The following CCL28 variants were observed in gnomAD, a reference collection of about 807,000 sequenced individuals.
The protein encoded by CCL28 is C-C motif chemokine 28.
Under a neutral mutation model 7.1 loss-of-function variants are expected in CCL28, and 4 were observed. The observed-to-expected ratio is 0.56, with a 90% CI of 0.28 to 1.29. The LOEUF (loss-of-function observed/expected upper bound fraction) is 1.29, where lower values mean the gene tolerates loss of function less well. Ranked by LOEUF, CCL28 falls within the 50% of genes most tolerant of loss-of-function variation. The pLI is 0.11. For synonymous variants in CCL28, 55 were observed against 57.8 expected, an observed-to-expected ratio of 0.95 and a Z score of 0.22; for missense variants, 151 against 163.4, an observed-to-expected ratio of 0.92 and a Z score of 0.41.
intron 1 of CCL28, among the ~76,000 whole-genome samples, chr5:43,390,494 A>C (rs1740527911): frequency 2.6e-5 from 4 of 152,224 alleles, no homozygotes; most frequent in Admixed American, 2.0e-4. Flanking sequence ...TGCTTTGGGA[A>C]GGGCAAAGCC....
At chr5:43,393,457 C>T (rs910556249) in intron 1 of CCL28, among the ~76,000 whole-genome samples, 4 of 151,978 alleles carry the variant, frequency 2.6e-5, no homozygotes, top group Admixed American at 2.6e-4. Context: ...TGGGTTCAAG[C>T]GATTCTCCTG....
chr5:43,406,001 A>G lies in CCL28; in HGVS notation c.64+6252T>C, dbSNP rs1329217367. On this transcript the variant is annotated intron_variant, in intron 1 of 2. Transcript: ENST00000361115. ...AACAGGCTCTGAAATTGAGGCAATA[A>G]TTAATAGCCTACCAACCAAAAAAAG... Among the ~76,000 whole-genome samples, 17 of 152,214 alleles carry G rather than the reference A, an allele frequency of 1.1e-4. No individual in the cohort carries two copies. The South Asian group carries it at 3.5e-3, about 32-fold the overall frequency.
intron 1 of CCL28, among the ~76,000 whole-genome samples, chr5:43,402,074 A>G (rs1647240542): frequency 6.6e-6 from 1 of 152,198 alleles, no homozygotes; most frequent in Non-Finnish European, 1.5e-5. Flanking sequence ...TTCCCCTGCA[A>G]ACTAGAAGGT....
intron 1 of CCL28, among the ~76,000 whole-genome samples, chr5:43,404,979 C>T (rs145908369): frequency 0.027 from 4,168 of 152,218 alleles, 90 homozygotes; most frequent in Non-Finnish European, 0.036. Flanking sequence ...TACATATGCA[C>T]CCAATACAGG....
downstream of CCL28, among the ~76,000 whole-genome samples, chr5:43,374,141 T>A (rs1297915755): frequency 6.6e-6 from 1 of 152,242 alleles, no homozygotes; most frequent in Non-Finnish European, 1.5e-5. Context: ...GCAAATAAGA[T>A]GTCACTTGCC....
the CCL28 span, among the ~76,000 whole-genome samples, chr5:43,371,257 C>A: frequency 6.6e-6 from 1 of 152,188 alleles, no homozygotes; most frequent in Non-Finnish European, 1.5e-5. Context: ...ATTATCTTAA[C>A]CAACAGCATA....
At chr5:43,385,208 C>T (rs1287610682) in intron 2 of CCL28, among the ~76,000 whole-genome samples, 1 of 152,152 alleles carries the variant, frequency 6.6e-6, no homozygotes, top group African/African-American at 2.4e-5. Flanking sequence ...TGATAAACAA[C>T]CTGTTATTGT....
At chr5:43,377,716 ACTTTTTTTT>A (rs1381836707), downstream of CCL28, among the ~76,000 whole-genome samples, 512 of 45,660 alleles carry the variant, frequency 0.011, 19 homozygotes, top group East Asian at 0.088. Context: ...TAGAACTTAA[ACTTTTTTTT>A]TTTTTTTTTT....
chr5:43,402,969 G>C (rs754854290), intron 1 of CCL28, among the ~76,000 whole-genome samples: 1 of 152,226 alleles, frequency 6.6e-6, no homozygotes, highest in African/African-American at 2.4e-5. Flanking sequence ...GGGGAAGGGC[G>C]TCTGCCATTG....
At chr5:43,386,276 C>G (rs1740331927) in intron 2 of CCL28, among the ~76,000 whole-genome samples, 1 of 152,208 alleles carries the variant, frequency 6.6e-6, no homozygotes, top group Admixed American at 6.5e-5. Context: ...CAACAATATT[C>G]TTTAAGATTA....
intron 1 of CCL28, among the ~76,000 whole-genome samples, chr5:43,408,381 T>C (rs1036670075): frequency 6.6e-6 from 1 of 152,052 alleles, no homozygotes; most frequent in East Asian, 1.9e-4. Flanking sequence ...GAGCAAACTA[T>C]TGCAAGGACA....
At chr5:43,389,987 G>C (rs1040943626) in intron 1 of CCL28, among the ~76,000 whole-genome samples, 2 of 152,136 alleles carry the variant, frequency 1.3e-5, no homozygotes, top group African/African-American at 4.8e-5. Flanking sequence ...TGTCAGAATA[G>C]TTCCATTTTT....
rs371184444 is a variant in CCL28, at chr5:43,386,669, T to C, written c.191+1681A>G. 3.3e-5 allele frequency among the ~76,000 whole-genome samples: 5 copies of C among 152,308 alleles called. No homozygotes were observed. In the East Asian group the frequency reaches 9.6e-4, roughly 29 times the overall value. ...TGCTCACAGGTTCATACACAAAAAT[T>C]TCAGGAAGTTCACAGCCCCTAACCT... On this transcript the variant is annotated intron_variant, in intron 2 of 2. Transcript: ENST00000361115.
chr5:43,393,353 TTTTTC>T (rs1740661678), intron 1 of CCL28, among the ~76,000 whole-genome samples: 1 of 151,592 alleles, frequency 6.6e-6, no homozygotes, highest in African/African-American at 2.4e-5. Context: ...TCCGTTTTTT[TTTTTC>T]TTTTCTTTTT....
chr5:43,369,199 G>A, the CCL28 span, among the ~76,000 whole-genome samples: 1 of 152,046 alleles, frequency 6.6e-6, no homozygotes, highest in African/African-American at 2.4e-5. Flanking sequence ...CACACTCAAG[G>A]GAAGGGGATT....
At chr5:43,361,141 G>C in the CCL28 span, among the ~76,000 whole-genome samples, 1 of 152,136 alleles carries the variant, frequency 6.6e-6, no homozygotes, top group Non-Finnish European at 1.5e-5. Flanking sequence ...TCCCTGCAAA[G>C]GATATGATCT....
chr5:43,358,702 T>C, the CCL28 span, among the ~76,000 whole-genome samples: 1 of 152,234 alleles, frequency 6.6e-6, no homozygotes, highest in African/African-American at 2.4e-5. Flanking sequence ...CACTGTGCTT[T>C]ATATTAAATC....
the CCL28 span, among the ~76,000 whole-genome samples, chr5:43,358,402 A>C: frequency 6.6e-6 from 1 of 152,222 alleles, no homozygotes; most frequent in African/African-American, 2.4e-5. Flanking sequence ...TGCTTTCCTT[A>C]TAAAGGTTAA....
At chr5:43,409,165 C>T (rs1288321382) in intron 1 of CCL28, among the ~76,000 whole-genome samples, 2 of 152,142 alleles carry the variant, frequency 1.3e-5, no homozygotes, top group Non-Finnish European at 2.9e-5. Context: ...GTGGCTCACA[C>T]CTGTAATCTC....
Sources: gnomAD v4.1 joint callset for allele counts (sites outside exome capture counted in the v4.1 genomes callset) on GRCh38, gnomAD v4.1.1 for gene constraint, MANE v1.5 for transcripts, NCBI Gene and HGNC (gene_info 2026-07-23, HGNC 2026-07-21) for gene names.